EPCIP: variants seen among roughly 807,000 people sequenced by gnomAD.
EPCIP encodes the protein exosomal polycystin-1-interacting protein.
chr21:32,807,713 T>C, the EPCIP span: 1 of 152,284 alleles, frequency 6.6e-6, no homozygotes, highest in African/African-American at 2.4e-5. Context: ...TTTCATTGTA[T>C]GGCCTAGACA....
the EPCIP span, among the ~76,000 whole-genome samples, chr21:32,809,748 T>C: frequency 2.0e-5 from 3 of 152,186 alleles, no homozygotes; most frequent in Non-Finnish European, 4.4e-5. Flanking sequence ...TGATTTCTGT[T>C]TCTTGTCCAC....
At chr21:32,813,647 C>T in the EPCIP span, 31 of 471,128 alleles carry the variant, frequency 6.6e-5, no homozygotes, top group African/African-American at 6.2e-4. Flanking sequence ...CTCTGCCTGG[C>T]CACGGATCCT....
chr21:32,790,912 A>G, the EPCIP span: 1 of 152,222 alleles, frequency 6.6e-6, no homozygotes, highest in Non-Finnish European at 1.5e-5. Flanking sequence ...GCAAGCCGAC[A>G]TTTACAAATT....
the EPCIP span, chr21:32,794,510 C>A: frequency 8.2e-7 from 1 of 1,217,624 alleles, no homozygotes; most frequent in Non-Finnish European, 1.1e-6. Context: ...GCAGCTTTAT[C>A]ACAACCTTTC....
the EPCIP span, among the ~76,000 whole-genome samples, chr21:32,804,284 T>TAC: frequency 3.4e-4 from 50 of 148,256 alleles, 1 homozygote; most frequent in African/African-American, 1.2e-3. Flanking sequence ...ATTATATATA[T>TAC]ATATATATAT....
the EPCIP span, among the ~76,000 whole-genome samples, chr21:32,802,320 G>T: frequency 1.3e-5 from 2 of 152,160 alleles, no homozygotes; most frequent in African/African-American, 4.8e-5. Flanking sequence ...AAATAAAAAT[G>T]AAAGTTTGAA....
At chr21:32,800,135 C>T in the EPCIP span, among the ~76,000 whole-genome samples, 1 of 152,202 alleles carries the variant, frequency 6.6e-6, no homozygotes, top group South Asian at 2.1e-4. Flanking sequence ...CATTTCAAAT[C>T]TGTTTTGGGC....
chr21:32,794,198 C>G, the EPCIP span: 3 of 1,614,264 alleles, frequency 1.9e-6, no homozygotes, highest in Non-Finnish European at 8.5e-7. Context: ...GCCATTGTAG[C>G]TGGTTCGCTC....
the EPCIP span, among the ~76,000 whole-genome samples, chr21:32,807,019 G>A: frequency 6.6e-6 from 1 of 152,164 alleles, no homozygotes; most frequent in Non-Finnish European, 1.5e-5. Flanking sequence ...ATCAGATCTC[G>A]CAAGACTTAT....
the EPCIP span, among the ~76,000 whole-genome samples, chr21:32,801,376 G>A: frequency 6.6e-6 from 1 of 152,198 alleles, no homozygotes; most frequent in African/African-American, 2.4e-5. Flanking sequence ...ACATTTAGAG[G>A]ACATTTATTG....
chr21:32,793,167 G>A, the EPCIP span, among the ~76,000 whole-genome samples: 1 of 152,050 alleles, frequency 6.6e-6, no homozygotes, highest in Non-Finnish European at 1.5e-5. Context: ...ATGTTGGTCA[G>A]GCTGGTCTTG....
the EPCIP span, among the ~76,000 whole-genome samples, chr21:32,802,204 A>G: frequency 1.3e-5 from 2 of 152,248 alleles, no homozygotes; most frequent in South Asian, 2.1e-4. Flanking sequence ...CAATAGATGT[A>G]TCTGTTAATT....
chr21:32,794,928 CT>C, the EPCIP span, among the ~76,000 whole-genome samples: 1 of 152,242 alleles, frequency 6.6e-6, no homozygotes, highest in Non-Finnish European at 1.5e-5. Flanking sequence ...CAATATCTGA[CT>C]TCCTGGAATT....
the EPCIP span, chr21:32,797,865 AG>A: frequency 6.6e-6 from 1 of 152,246 alleles, no homozygotes; most frequent in African/African-American, 2.4e-5. Flanking sequence ...TACTCAAAAA[AG>A]GTTGTCAGAA....
At chr21:32,801,502 A>C in the EPCIP span, among the ~76,000 whole-genome samples, 18 of 152,332 alleles carry the variant, frequency 1.2e-4, 1 homozygote, top group South Asian at 3.7e-3. Flanking sequence ...GGGAACAAAC[A>C]ACTGGGCAAC....
the EPCIP span, among the ~76,000 whole-genome samples, chr21:32,794,952 A>T: frequency 6.6e-6 from 1 of 152,184 alleles, no homozygotes; most frequent in Non-Finnish European, 1.5e-5. Flanking sequence ...GGAGACAAAC[A>T]CTTCTTTGTT....
the EPCIP span, chr21:32,794,162 G>A: frequency 3.7e-5 from 59 of 1,614,140 alleles, no homozygotes; most frequent in Non-Finnish European, 4.9e-5. Flanking sequence ...CAGCGCAGAT[G>A]TGTCCGTGAA....
the EPCIP span, chr21:32,793,964 T>G: frequency 6.2e-7 from 1 of 1,614,224 alleles, no homozygotes. Flanking sequence ...CCACATGGGC[T>G]TCTCTCTGGA....
the EPCIP span, chr21:32,793,644 T>C: frequency 7.9e-6 from 7 of 888,550 alleles, no homozygotes; most frequent in African/African-American, 1.6e-5. Context: ...AAATGGAGCC[T>C]GCGGAGAGAG....
Sources: gnomAD v4.1 joint callset for allele counts (sites outside exome capture counted in the v4.1 genomes callset) on GRCh38, gnomAD v4.1.1 for gene constraint, MANE v1.5 for transcripts, NCBI Gene and HGNC (gene_info 2026-07-23, HGNC 2026-07-21) for gene names.